The following SNRK variants were observed in gnomAD, a reference collection of about 807,000 sequenced individuals.
SNRK encodes SNF related kinase.
SNRK carries 3 observed loss-of-function variants against 48.2 expected under a neutral mutation model. The observed-to-expected ratio is 0.06, with a 90% CI of 0.03 to 0.16. The LOEUF is 0.16. SNRK is among the 10% of genes least tolerant of loss of function. The pLI is 1.00. For synonymous variants in SNRK, 376 were observed against 366.1 expected, an observed-to-expected ratio of 1.03 and a Z score of -0.31; for missense variants, 627 against 976.0, an observed-to-expected ratio of 0.64 and a Z score of 4.76.
intron 3 of SNRK, among the ~76,000 whole-genome samples, chr3:43,325,935 G>A (rs554586023): frequency 6.6e-6 from 1 of 152,146 alleles, no homozygotes; most frequent in South Asian, 2.1e-4. Context: ...GAAAGAAATC[G>A]CCCAAGTATG....
chr3:43,307,354 G>A (rs2090945571), intron 3 of SNRK, among the ~76,000 whole-genome samples: 1 of 151,750 alleles, frequency 6.6e-6, no homozygotes, highest in Admixed American at 6.6e-5. Context: ...TCATTTTATT[G>A]TGCATAACTT....
At chr3:43,287,248 G>A (rs1300425873) in intron 1 of SNRK, among the ~76,000 whole-genome samples, 2 of 152,214 alleles carry the variant, frequency 1.3e-5, no homozygotes, top group African/African-American at 4.8e-5. Flanking sequence ...ATTCCCGAGG[G>A]AGAGCTAGAA....
Position 43,289,320 on chromosome 3 carries a change from G to A in SNRK, c.-169+2645G>A, listed in dbSNP as rs142346988. 3.9e-5 allele frequency among the ~76,000 whole-genome samples: 6 copies of A among 152,266 alleles called. No homozygotes were observed. The East Asian group carries it at 1.2e-3, about 29-fold the overall frequency. On this transcript the variant is annotated intron_variant, in intron 1 of 6. Coordinates refer to ENST00000296088, the MANE Select transcript of SNRK (RefSeq NM_017719.5). ...GTGAGAAGACAAGGTCAAGTGGTGG[G>A]TGGGAGAAGAACATAGATCCAAGTG...
At position 43,349,787 on chromosome 3, in the gene SNRK, T is replaced by C. The variant is rs2091309050; in HGVS notation, c.*1230T>C. 2 of 152,228 alleles carry C rather than the reference T, an allele frequency of 1.3e-5. No homozygotes were observed. The highest frequency in any genetic ancestry group is 4.1e-4 in the South Asian group (2 of 4,834). The allele number at this position is 152,228 out of a possible 1,614,324, so 9.4% of individuals were successfully genotyped here. A position where few individuals can be genotyped will look rare whatever the true frequency, so the allele number is the denominator to read the frequency against. ...TCATCTGTTGTGGCATTCTATCTTG[T>C]AGGACACTGTATATTGCAAATTGCT... On this transcript the variant is annotated 3_prime_UTR_variant, in exon 7 of 7. Coordinates refer to ENST00000296088, the MANE Select transcript of SNRK (RefSeq NM_017719.5).
At position 43,303,193 on chromosome 3, in the gene SNRK, G is replaced by T. The variant is rs1317046039; in HGVS notation, c.-11G>T. 1 of 1,594,810 alleles carries T rather than the reference G, an allele frequency of 6.3e-7. No individual in the cohort carries two copies. ...AAACAGTCTAAATATTTTTTCTTCT[G>T]TTGGACCAGCATGGCAGGATTTAAG... On this transcript the variant is annotated 5_prime_UTR_variant, in exon 3 of 7. Coordinates refer to ENST00000296088, the MANE Select transcript of SNRK (RefSeq NM_017719.5). The surrounding 1 kb of genome is among the most constrained non-coding windows in gnomAD (Gnocchi z 6.2).
At position 43,343,462 on chromosome 3, in the gene SNRK, A is replaced by T. The variant is rs1559471385; in HGVS notation, c.1063A>T (p.Ile355Phe). The change falls in exon 6 of 7, where the codon ATC (isoleucine) becomes TTC (phenylalanine). Residue 355 changes from isoleucine to phenylalanine, a missense_variant. Around this residue, in one of 4 missense-constraint regions of SNRK, gnomAD observed 175 missense variants for 209.7 expected, o/e 0.83. Transcript: ENST00000296088. ...IQTRSASPSN[I>F]KAQFRQSWPT... The stretch of plus-strand genomic sequence containing the variant: ...GACCAGATCTGCAAGCCCGAGCAAT[A>T]TCAAGGCCCAGTTTAGGTGAGAAAA... The T allele has an allele frequency of 6.2e-7, 1 of 1,613,622 alleles. No homozygotes were observed.
At position 43,347,739 on chromosome 3, in the gene SNRK, G is replaced by A. The variant is rs749269882; in HGVS notation, c.1480G>A (p.Glu494Lys). The change falls in exon 7 of 7, where the codon GAA becomes AAA. Residue 494 changes from glutamate to lysine, a missense_variant. Glu to Lys is a moderately conservative substitution (Grantham distance 56). This residue lies in a region of SNRK where 98 missense variants were observed against 175.2 expected (regional missense o/e 0.56). Coordinates refer to ENST00000296088, the MANE Select transcript of SNRK (RefSeq NM_017719.5). The surrounding 1 kb of genome is among the most constrained non-coding windows in gnomAD (Gnocchi z 5.4). ...PVLNQIFEEGESDDEFDMDEN... is the reference protein window; with the variant it reads ...PVLNQIFEEGKSDDEFDMDEN... Reference sequence around the variant, plus strand: ...CCTCAACCAGATCTTTGAGGAAGGGGAATCTGACGATGAGTTTGACATGGA... The same window carrying A: ...CCTCAACCAGATCTTTGAGGAAGGGAAATCTGACGATGAGTTTGACATGGA... The A allele has an allele frequency of 2.5e-6, 4 of 1,613,970 alleles. No homozygotes were observed. The highest frequency in any genetic ancestry group is 3.4e-6 in the Non-Finnish European group (4 of 1,180,036).
chr3:43,320,130 A>G (rs1345500152), intron 3 of SNRK, among the ~76,000 whole-genome samples: 2 of 152,172 alleles, frequency 1.3e-5, no homozygotes, highest in Non-Finnish European at 2.9e-5. Flanking sequence ...GCTGTTTTAT[A>G]TACTAGATCT....
At chr3:43,291,925 G>A (rs1396329085) in intron 1 of SNRK, among the ~76,000 whole-genome samples, 2 of 152,234 alleles carry the variant, frequency 1.3e-5, no homozygotes, top group East Asian at 1.9e-4. Context: ...AAGTGAGTTT[G>A]TAACCTCATT....
Position 43,348,890 on chromosome 3 carries a change from A to C in SNRK, c.*333A>C. The C allele has an allele frequency of 6.8e-6, 1 of 146,162 alleles. No homozygotes were observed. Among genetic ancestry groups the C allele is most frequent in the Non-Finnish European group, 1.5e-5 (1 of 67,532 alleles). The allele number at this position is 146,162 out of a possible 1,614,324, so 9.1% of individuals were successfully genotyped here. A position where few individuals can be genotyped will look rare whatever the true frequency, so the allele number is the denominator to read the frequency against. On this transcript the variant is annotated 3_prime_UTR_variant, in exon 7 of 7. Coordinates refer to ENST00000296088, the MANE Select transcript of SNRK (RefSeq NM_017719.5). ...TCTGCACTTAACCTAGAGAGAGAAA[A>C]AATGCTTTTCTTTGTGAAAAATCTG...
intron 3 of SNRK, among the ~76,000 whole-genome samples, chr3:43,320,110 CTCAT>C (rs960585564): frequency 2.6e-5 from 4 of 152,150 alleles, no homozygotes; most frequent in African/African-American, 9.6e-5. Context: ...GAATACGTGA[CTCAT>C]TCATTGCTGT....
intron 4 of SNRK, among the ~76,000 whole-genome samples, chr3:43,339,205 T>C (rs749753344): frequency 1.3e-5 from 2 of 152,228 alleles, no homozygotes; most frequent in Non-Finnish European, 2.9e-5. Context: ...ATCATTAGTT[T>C]GGAACACAGA....
intron 3 of SNRK, among the ~76,000 whole-genome samples, chr3:43,321,481 T>G (rs59706458): frequency 0.024 from 3,591 of 152,252 alleles, 151 homozygotes; most frequent in African/African-American, 0.081. Context: ...TGGACTGTCC[T>G]AAGTGCATGT....
At chr3:43,322,807 C>A (rs1324756628) in intron 3 of SNRK, among the ~76,000 whole-genome samples, 2 of 151,806 alleles carry the variant, frequency 1.3e-5, no homozygotes, top group African/African-American at 4.8e-5. Context: ...AAAAAATTAG[C>A]TGGGAGTGGT....
intron 5 of SNRK, among the ~76,000 whole-genome samples, chr3:43,341,627 T>C (rs1052076927): frequency 2.0e-5 from 3 of 152,230 alleles, no homozygotes; most frequent in East Asian, 3.8e-4. Context: ...CAGTTGGGTA[T>C]GTTCGAAAGA....
At chr3:43,286,823 C>T (rs2125608136) in intron 1 of SNRK, 148 bp downstream of exon 1, 1 of 145,890 alleles carries the variant, frequency 6.9e-6, no homozygotes, top group Non-Finnish European at 1.5e-5. Flanking sequence ...GTTGCGCTCT[C>T]GGCGCCGGCC....
At chr3:43,312,297 A>G (rs888155272) in intron 3 of SNRK, among the ~76,000 whole-genome samples, 1 of 152,246 alleles carries the variant, frequency 6.6e-6, no homozygotes, top group African/African-American at 2.4e-5. Flanking sequence ...CAAAAAGCCT[A>G]TATACACTCT....
chr3:43,308,897 T>A (rs2090957540), intron 3 of SNRK, among the ~76,000 whole-genome samples: 1 of 152,192 alleles, frequency 6.6e-6, no homozygotes, highest in South Asian at 2.1e-4. Context: ...CTGGAAAGGA[T>A]GCACCATTAA....
intron 5 of SNRK, among the ~76,000 whole-genome samples, chr3:43,342,280 C>G (rs1026410662): frequency 6.6e-6 from 1 of 152,154 alleles, no homozygotes; most frequent in Non-Finnish European, 1.5e-5. Flanking sequence ...CAGCTAGCCT[C>G]ACTCCGTGCT....
Sources: gnomAD v4.1 joint callset for allele counts (sites outside exome capture counted in the v4.1 genomes callset) on GRCh38, gnomAD v4.1.1 for gene constraint, gnomAD v4.1.1 regional missense constraint, Gnocchi (gnomAD v3.1) non-coding constraint, MANE v1.5 for transcripts, NCBI Gene and HGNC (gene_info 2026-07-23, HGNC 2026-07-21) for gene names.